Variants in PKNOX2 observed in about 807,000 individuals in gnomAD.
The protein encoded by PKNOX2 is PBX/knotted 1 homeobox 2, also known as homeobox protein PKNOX2.
A neutral mutation model predicts 53.1 loss-of-function variants in PKNOX2; 14 were observed. The observed-to-expected ratio is 0.26, with a 90% confidence interval of 0.17 to 0.41. The LOEUF is 0.41. Ranked by LOEUF, PKNOX2 falls within the 10% of genes least tolerant of loss-of-function variation. The pLI, the probability that PKNOX2 is intolerant of heterozygous loss-of-function variation, is 1.00. For synonymous variants in PKNOX2, 257 were observed against 242.8 expected (o/e 1.06, Z -0.54); for missense variants, 496 against 602.8 (o/e 0.82, Z 1.85).
intron 4 of PKNOX2, among the ~76,000 whole-genome samples, chr11:125,359,956 T>G (rs1347492162): frequency 6.6e-6 from 1 of 152,154 alleles, no homozygotes; most frequent in Non-Finnish European, 1.5e-5. Flanking sequence ...ACTCCCGACC[T>G]CAGGTGATCT....
At chr11:125,178,616 A>AG (rs1955894339) in intron 1 of PKNOX2, among the ~76,000 whole-genome samples, 4 of 65,342 alleles carry the variant, frequency 6.1e-5, no homozygotes, top group East Asian at 1.0e-3. Flanking sequence ...GAAGGAAAGA[A>AG]AGAAAGAAAG....
chr11:125,411,208 A>G lies in PKNOX2; in HGVS notation c.816+332A>G, dbSNP rs983796192. ...CGGAAGTCAGAGTCTGGGATCTGAC[A>G]TTAACTCTGGGATCTCTGATAAGTC... On this transcript the variant is annotated intron_variant, in intron 9 of 12. Transcript: ENST00000298282. 5 of 314,774 alleles carry G rather than the reference A, an allele frequency of 1.6e-5. No individual in the cohort carries two copies. The East Asian group carries it at 3.0e-4, about 19-fold the overall frequency. 19.5% of individuals were successfully genotyped at this position (314,774 alleles called of 1,614,324 possible). A position where few individuals can be genotyped will look rare whatever the true frequency, so the allele number is the denominator to read the frequency against.
chr11:125,294,927 CA>C lies in PKNOX2; in HGVS notation c.-129-36891del, dbSNP rs796733261. ...CATGACTGTGCAGAGGAGTAAACAC[CA>C]GGCGGAGGAACTGGAACTCTGCCTT... is the stretch of plus-strand genomic sequence containing the variant. On this transcript the variant is annotated intron_variant, in intron 2 of 12. Coordinates refer to ENST00000298282, the MANE Select transcript of PKNOX2 (RefSeq NM_001382323.2). Among the ~76,000 whole-genome samples the C allele has an allele frequency of 5.8e-4, 88 of 152,264 alleles. 1 individual carries two copies. Among genetic ancestry groups the C allele is most frequent in the African/African-American group, 2.0e-3 (84 of 41,560 alleles).
At chr11:125,264,829 C>T (rs4399344) in intron 2 of PKNOX2, among the ~76,000 whole-genome samples, 37 of 152,036 alleles carry the variant, frequency 2.4e-4, no homozygotes, top group Admixed American at 2.0e-3. Flanking sequence ...AGAAGGCGGC[C>T]GATTTTAGAA....
intron 2 of PKNOX2, among the ~76,000 whole-genome samples, chr11:125,248,720 ATATGT>A (rs1190767819): frequency 1.3e-5 from 2 of 148,240 alleles, no homozygotes; most frequent in Non-Finnish European, 3.0e-5. Flanking sequence ...CATTTATATT[ATATGT>A]TATAATATAT....
intron 4 of PKNOX2, among the ~76,000 whole-genome samples, chr11:125,362,309 A>T (rs1038847522): frequency 5.3e-5 from 8 of 152,172 alleles, no homozygotes; most frequent in African/African-American, 1.9e-4. Context: ...TGTGAAATGG[A>T]GATGATGATA....
chr11:125,326,280 T>C (rs1949815566), intron 2 of PKNOX2, among the ~76,000 whole-genome samples: 1 of 152,190 alleles, frequency 6.6e-6, no homozygotes, highest in Non-Finnish European at 1.5e-5. Flanking sequence ...GGACTTGAGC[T>C]GGTCTTTGCA....
At chr11:125,279,850 C>A (rs899506427) in intron 2 of PKNOX2, among the ~76,000 whole-genome samples, 1 of 152,220 alleles carries the variant, frequency 6.6e-6, no homozygotes. Flanking sequence ...CATTTCCATG[C>A]AGCATTTTTC....
intron 6 of PKNOX2, among the ~76,000 whole-genome samples, chr11:125,397,241 T>C (rs1426396698): frequency 1.3e-5 from 2 of 152,304 alleles, no homozygotes; most frequent in Non-Finnish European, 1.5e-5. Context: ...TGCTGGATTA[T>C]TCAGTCCATC....
intron 3 of PKNOX2, among the ~76,000 whole-genome samples, chr11:125,348,605 G>A (rs1951123406): frequency 6.6e-6 from 1 of 152,186 alleles, no homozygotes; most frequent in Non-Finnish European, 1.5e-5. Flanking sequence ...GTTGTCTCTG[G>A]GCACAGGCTA....
At chr11:125,178,125 A>C (rs539936107) in intron 1 of PKNOX2, among the ~76,000 whole-genome samples, 1 of 152,178 alleles carries the variant, frequency 6.6e-6, no homozygotes, top group Non-Finnish European at 1.5e-5. Flanking sequence ...CCATCCATCC[A>C]TCCCAACCAC....
chr11:125,429,910 C>T (rs990520413), intron 11 of PKNOX2, 53 bp from the exon 12 acceptor site: 2 of 1,565,892 alleles, frequency 1.3e-6, no homozygotes, highest in Non-Finnish European at 1.7e-6. Context: ...CTGCCCCCAC[C>T]CCAAGGCCAT....
chr11:125,184,787 A>G (rs1006756112), intron 1 of PKNOX2, among the ~76,000 whole-genome samples: 8 of 152,184 alleles, frequency 5.3e-5, no homozygotes, highest in Admixed American at 5.2e-4. Flanking sequence ...GTCTCCCAAG[A>G]AGACCTAGTA....
chr11:125,416,302 CAAAAAAAAAAAAAAAAA>C (rs61354494), intron 10 of PKNOX2, among the ~76,000 whole-genome samples: 21 of 70,462 alleles, frequency 3.0e-4, no homozygotes, highest in African/African-American at 1.3e-3. Flanking sequence ...GACGCCGTCT[CAAAAAAAAAAAAAAAAA>C]AAAAAAAAGA....
At chr11:125,301,627 T>G (rs984986662) in intron 2 of PKNOX2, among the ~76,000 whole-genome samples, 1 of 152,146 alleles carries the variant, frequency 6.6e-6, no homozygotes, top group Non-Finnish European at 1.5e-5. Context: ...TGTTACATAT[T>G]ATCTTTCCTT....
At chr11:125,326,266 G>A (rs1949814260) in intron 2 of PKNOX2, among the ~76,000 whole-genome samples, 1 of 152,234 alleles carries the variant, frequency 6.6e-6, no homozygotes, top group African/African-American at 2.4e-5. Flanking sequence ...GCTGCAGAAA[G>A]GCAGGACTTG....
intron 2 of PKNOX2, among the ~76,000 whole-genome samples, chr11:125,314,167 G>A (rs1355651970): frequency 6.6e-6 from 1 of 152,160 alleles, no homozygotes; most frequent in Non-Finnish European, 1.5e-5. Context: ...TGATGAAGGG[G>A]CTTCACCTTC....
intron 2 of PKNOX2, among the ~76,000 whole-genome samples, chr11:125,243,145 C>T (rs1007387941): frequency 9.2e-5 from 14 of 152,218 alleles, no homozygotes; most frequent in Admixed American, 4.6e-4. Context: ...GGTTATCACA[C>T]TTGAAGTGAT....
intron 2 of PKNOX2, among the ~76,000 whole-genome samples, chr11:125,254,692 G>A (rs2135698446): frequency 6.6e-6 from 1 of 152,296 alleles, no homozygotes; most frequent in East Asian, 1.9e-4. Context: ...AGCCCCAGGT[G>A]CAGGTGAGTA....
Sources: gnomAD v4.1 joint callset for allele counts (sites outside exome capture counted in the v4.1 genomes callset) on GRCh38, gnomAD v4.1.1 for gene constraint, MANE v1.5 for transcripts, NCBI Gene and HGNC (gene_info 2026-07-23, HGNC 2026-07-21) for gene names.